Variants in PLA2R1 observed in about 807,000 individuals in gnomAD.
PLA2R1 encodes secretory phospholipase A2 receptor.
A neutral mutation model predicts 195.9 loss-of-function variants in PLA2R1; 158 were observed. That is an observed-to-expected ratio of 0.81 (90% CI 0.71 to 0.92). PLA2R1 has a LOEUF of 0.92. Among genes scored for constraint, PLA2R1 ranks in the 40% least tolerant of loss-of-function variants. The pLI, the probability that PLA2R1 is intolerant of heterozygous loss-of-function variation, is 0.00. For missense variants in PLA2R1, 1,626 were observed against 1,764.6 expected (o/e 0.92, Z 1.41); for synonymous variants, 586 against 598.2 (o/e 0.98, Z 0.30).
chr2:160,027,177 AC>A (rs1693575946), intron 6 of PLA2R1, among the ~76,000 whole-genome samples: 1 of 152,214 alleles, frequency 6.6e-6, no homozygotes, highest in Non-Finnish European at 1.5e-5. Flanking sequence ...AATAATCCAA[AC>A]AAGCTAACTT....
chr2:159,956,698 C>T, intron 20 of PLA2R1, 71 bp from the exon 21 acceptor site: 3 of 878,160 alleles, frequency 3.4e-6, no homozygotes, highest in Non-Finnish European at 1.9e-6. Flanking sequence ...TTCCCAAAGA[C>T]ACTGAATATC....
At chr2:160,008,578 C>T (rs1346603825) in intron 10 of PLA2R1, among the ~76,000 whole-genome samples, 1 of 152,066 alleles carries the variant, frequency 6.6e-6, no homozygotes, top group East Asian at 1.9e-4. Flanking sequence ...AACATGAGAG[C>T]TAAAACTATA....
chr2:160,032,889 G>T, intron 4 of PLA2R1, 70 bp downstream of exon 4: 1 of 1,094,882 alleles, frequency 9.1e-7, no homozygotes, highest in Non-Finnish European at 1.3e-6. Context: ...ATATATTTTT[G>T]TATATGTGAA....
intron 6 of PLA2R1, among the ~76,000 whole-genome samples, chr2:160,026,770 G>C (rs530255811): frequency 6.6e-6 from 1 of 152,324 alleles, no homozygotes; most frequent in East Asian, 1.9e-4. Context: ...GCCAAAGAGT[G>C]TTAGAACTTT....
chr2:160,056,381 T>C (rs1695547094), intron 1 of PLA2R1, among the ~76,000 whole-genome samples: 2 of 152,206 alleles, frequency 1.3e-5, no homozygotes, highest in Admixed American at 6.5e-5. Context: ...GCTCTGGACA[T>C]TGGGCTCCCT....
chr2:160,020,991 C>T (rs2715933), intron 7 of PLA2R1, among the ~76,000 whole-genome samples: 127,812 of 152,158 alleles, frequency 0.84, 54,266 homozygotes, highest in African/African-American at 0.96. Context: ...GTATGTTAAG[C>T]AGATCTGAAA....
intron 9 of PLA2R1, among the ~76,000 whole-genome samples, chr2:160,014,402 TATGGCCAC>T (rs1270400274): frequency 6.6e-6 from 1 of 152,112 alleles, no homozygotes; most frequent in Non-Finnish European, 1.5e-5. Context: ...CAGTACAGTC[TATGGCCAC>T]ACCACCCTGA....
At chr2:160,030,801 T>C (rs578221816) in intron 4 of PLA2R1, among the ~76,000 whole-genome samples, 4 of 152,368 alleles carry the variant, frequency 2.6e-5, no homozygotes, top group South Asian at 4.1e-4. Flanking sequence ...AACAGGTTTC[T>C]GTCTTTATGA....
At chr2:160,017,403 T>C (rs1165970941) in intron 8 of PLA2R1, among the ~76,000 whole-genome samples, 1 of 152,154 alleles carries the variant, frequency 6.6e-6, no homozygotes, top group African/African-American at 2.4e-5. Flanking sequence ...CAAGTGAGAG[T>C]GCTGACGCCT....
intron 12 of PLA2R1, among the ~76,000 whole-genome samples, chr2:159,986,427 A>T (rs1690339514): frequency 6.6e-6 from 1 of 152,124 alleles, no homozygotes; most frequent in Non-Finnish European, 1.5e-5. Context: ...GTCTCACCAG[A>T]TTCATACTCT....
chr2:159,998,310 AAT>A (rs1348719758), intron 11 of PLA2R1, among the ~76,000 whole-genome samples: 3 of 152,178 alleles, frequency 2.0e-5, no homozygotes, highest in African/African-American at 7.2e-5. Flanking sequence ...TATTTCTTTT[AAT>A]CCTCACAACA....
At chr2:160,050,636 G>C (rs972796101) in intron 1 of PLA2R1, among the ~76,000 whole-genome samples, 12 of 152,268 alleles carry the variant, frequency 7.9e-5, no homozygotes, top group African/African-American at 2.9e-4. Flanking sequence ...GCTTGATGTG[G>C]CATGGTTTAG....
At chr2:159,946,592 T>C in intron 27 of PLA2R1, 5 of 1,259,366 alleles carry the variant, frequency 4.0e-6, no homozygotes, top group Non-Finnish European at 5.0e-6. Flanking sequence ...TGTTTGTTTT[T>C]ATTTTTGGTG....
intron 20 of PLA2R1, among the ~76,000 whole-genome samples, chr2:159,958,690 G>T (rs751676575): frequency 1.3e-5 from 2 of 152,176 alleles, no homozygotes; most frequent in African/African-American, 4.8e-5. Context: ...TTAGCTCAGT[G>T]GTTCTCCAAC....
intron 1 of PLA2R1, among the ~76,000 whole-genome samples, chr2:160,056,358 C>T (rs890476986): frequency 3.3e-5 from 5 of 152,170 alleles, no homozygotes; most frequent in African/African-American, 9.7e-5. Context: ...AAACTCTACT[C>T]GACTTTAGCT....
chr2:160,034,566 G>A (rs958501980), intron 3 of PLA2R1, among the ~76,000 whole-genome samples: 3 of 152,178 alleles, frequency 2.0e-5, no homozygotes, highest in African/African-American at 7.2e-5. Flanking sequence ...CACTAGTTCA[G>A]CCATACTCAT....
At chr2:159,945,151 A>G in intron 27 of PLA2R1, 69 bp from the exon 28 acceptor site, 1 of 990,492 alleles carries the variant, frequency 1.0e-6, no homozygotes, top group Non-Finnish European at 1.4e-6. Flanking sequence ...ACTGGAATTA[A>G]CCATAAAAAG....
chr2:159,956,770 C>T (rs1388695258), intron 20 of PLA2R1, 143 bp from the exon 21 acceptor site: 1 of 604,612 alleles, frequency 1.7e-6, no homozygotes, highest in East Asian at 2.8e-5. Flanking sequence ...TTCACCTCCT[C>T]CAAAGGTGTT....
intron 11 of PLA2R1, among the ~76,000 whole-genome samples, chr2:159,989,487 G>A (rs559753673): frequency 6.6e-6 from 1 of 152,302 alleles, no homozygotes; most frequent in African/African-American, 2.4e-5. Context: ...GCACAGCACA[G>A]GCAGGAAACC....
Sources: allele counts gnomAD v4.1 joint callset (sites outside exome capture counted in the v4.1 genomes callset), GRCh38; gene constraint gnomAD v4.1.1; transcripts MANE v1.5; gene names NCBI Gene and HGNC (gene_info 2026-07-23, HGNC 2026-07-21).